The following LONP1 variants were observed in gnomAD, a reference collection of about 807,000 sequenced individuals.
LONP1 encodes lon protease homolog, mitochondrial.
A neutral mutation model predicts 98.5 loss-of-function variants in LONP1; 31 were observed. The observed-to-expected ratio is 0.31, with a 90% CI of 0.24 to 0.42. The LOEUF (loss-of-function observed/expected upper bound fraction) is 0.42. Among genes scored for constraint, LONP1 ranks in the 20% least tolerant of loss-of-function variants. LONP1 has a pLI of 1.00. For missense variants in LONP1, 1,336 were observed against 1,350.6 expected, an observed-to-expected ratio of 0.99 and a Z score of 0.17; for synonymous variants, 781 against 594.7, an observed-to-expected ratio of 1.31 and a Z score of -4.56.
At chr19:5,701,987 G>A (rs574253960) in intron 8 of LONP1, among the ~76,000 whole-genome samples, 154 of 150,432 alleles carry the variant, frequency 1.0e-3, no homozygotes, top group African/African-American at 3.7e-3. Flanking sequence ...GCAGCCCTGA[G>A]AAGTGAGGAG....
rs1314748331 is a variant in LONP1 at position 5,714,281 on chromosome 19, C to T, written c.430-10G>A. ...ACTTCTTATTTTTAACCTAGCATGA[C>T]AATGACCCCAAAGTGAAATGCAGAG... On this transcript the variant is annotated splice_polypyrimidine_tract_variant and intron_variant, in intron 1 of 17. Coordinates refer to ENST00000360614, the MANE Select transcript of LONP1 (RefSeq NM_004793.4). 6.3e-7 allele frequency: 1 copy of T among 1,594,282 alleles called. No homozygotes were observed.
Position 5,711,974 on chromosome 19 carries a change from C to T in LONP1, c.667G>A (p.Glu223Lys), listed in dbSNP as rs764530654. 5.0e-6 allele frequency: 8 copies of T among 1,613,018 alleles called. No homozygotes were observed. Among genetic ancestry groups the T allele is most frequent in the Non-Finnish European group, 6.8e-6 (8 of 1,179,944 alleles). ...TTCTCCGCCTCCGGCTCCTCGGGCT[C>T]CACCTCCAGCTGTCTGCTGATATGG... ...RVHISRQLEV[E>K]PEEPEAENKH... Residue 223 changes from glutamate (E) to lysine (K), a missense_variant, in exon 4 of 18, where the codon GAG becomes AAG. Around this residue, in one of 5 missense-constraint regions of LONP1, gnomAD observed 457 missense variants for 403.1 expected, o/e 1.13. Coordinates refer to ENST00000360614, the MANE Select transcript of LONP1 (RefSeq NM_004793.4).
chr19:5,715,098 T>G (rs1405928987), intron 1 of LONP1: 10 of 140,392 alleles, frequency 7.1e-5, no homozygotes, highest in African/African-American at 1.6e-4. Flanking sequence ...GCTGTGGTGG[T>G]GAATACAGTG....
intron 10 of LONP1, among the ~76,000 whole-genome samples, chr19:5,697,010 A>G (rs918807528): frequency 6.6e-6 from 1 of 152,146 alleles, no homozygotes; most frequent in African/African-American, 2.4e-5. Context: ...CCCATCCCTC[A>G]GCTGACACCA....
chr19:5,694,987 G>A, intron 13 of LONP1, 86 bp from the exon 14 acceptor site: 2 of 1,474,552 alleles, frequency 1.4e-6, no homozygotes, highest in East Asian at 2.3e-5. Context: ...CCTCTCCCAT[G>A]GCCCCCAGAC....
intron 17 of LONP1, 88 bp from the exon 18 acceptor site, chr19:5,692,296 G>T (rs1484078990): frequency 1.5e-6 from 2 of 1,328,210 alleles, no homozygotes; most frequent in Non-Finnish European, 2.1e-6. Flanking sequence ...GCTTCCTGGG[G>T]ACCGGCGATA....
Position 5,713,243 on chromosome 19 carries a change from C to G in LONP1, c.529G>C (p.Asp177His). 6.2e-7 allele frequency: 1 copy of G among 1,614,190 alleles called. No homozygotes were observed. The highest frequency in any genetic ancestry group is 8.5e-7 in the Non-Finnish European group (1 of 1,180,016). Residue 177 changes from aspartate to histidine, a missense_variant, in exon 3 of 18, where the codon GAT (aspartate) becomes CAT (histidine). This residue lies in a region of LONP1 where 457 missense variants were observed against 403.1 expected (regional missense o/e 1.13). Coordinates refer to ENST00000360614, the MANE Select transcript of LONP1 (RefSeq NM_004793.4). Reference sequence around the variant, plus strand: ...ATTTCATCCAGGCTCTCGACCACATCCGACTCATTGCTGTGGGAGAAGAGC... The same window carrying G: ...ATTTCATCCAGGCTCTCGACCACATGCGACTCATTGCTGTGGGAGAAGAGC... ...FLKRDDSNES[D>H]VVESLDEIYH... is the part of the protein sequence containing the mutation.
In LONP1 at chr19:5,696,676, G is replaced by T. The variant is rs11551018; in HGVS notation, c.1767C>A (p.Ile589=). The stretch of plus-strand genomic sequence containing the variant: ...CGGGCCTCTCCGCACGCACCTCGTC[G>T]ATGAGGATCAGGGGGTTCTCCGTCT... ...KTKTENPLIL[I]DEVDKIGRGY... The change falls in exon 11 of 18, where the codon ATC becomes ATA. Residue 589 remains isoleucine (I), a synonymous_variant. Transcript: ENST00000360614. 1 of 1,613,310 alleles carries T rather than the reference G, an allele frequency of 6.2e-7. No homozygotes were observed. The highest frequency in any genetic ancestry group is 2.2e-5 in the East Asian group (1 of 44,896).
Position 5,697,649 on chromosome 19 carries a change from TTGGGCTTTGACCGAGGAACG to T in LONP1, c.1686-912_1686-893del, listed in dbSNP as rs527346867. Reference sequence around the variant, plus strand: ...GGGTCCTGTGGGCTGCAGTGAGAACTTGGGCTTTGACCGAGGAACGTGGGAGCCCTGGAGAGCTGGGGGCA... The same window carrying T: ...GGGTCCTGTGGGCTGCAGTGAGAACTTGGGAGCCCTGGAGAGCTGGGGGCA... On this transcript the variant is annotated intron_variant, in intron 10 of 17. Coordinates refer to ENST00000360614, the MANE Select transcript of LONP1 (RefSeq NM_004793.4). 4.3e-3 allele frequency among the ~76,000 whole-genome samples: 649 copies of T among 151,330 alleles called. 22 individuals are homozygous for T. Among genetic ancestry groups the T allele is most frequent in the Admixed American group, 0.039 (590 of 15,158 alleles).
intron 3 of LONP1, 29 bp downstream of exon 3, chr19:5,713,105 C>G: frequency 2.5e-6 from 4 of 1,613,350 alleles, no homozygotes; most frequent in Non-Finnish European, 2.5e-6. Flanking sequence ...TCTGCCCCCA[C>G]CTCCCACTGT....
chr19:5,700,662 C>G, intron 9 of LONP1, 127 bp downstream of exon 9: 4 of 1,338,670 alleles, frequency 3.0e-6, no homozygotes, highest in Non-Finnish European at 4.1e-6. Flanking sequence ...CGGGATCCCC[C>G]CGACCAGCAC....
chr19:5,693,756 C>G lies in LONP1; in HGVS notation c.2334G>C (p.Leu778=). 1 of 1,613,674 alleles carries G rather than the reference C, an allele frequency of 6.2e-7. No individual in the cohort carries two copies. The highest frequency in any genetic ancestry group is 8.5e-7 in the Non-Finnish European group (1 of 1,179,910). ...GCCGTCTCAGGGATGTCTCCACAAA[C>G]AGCGTGGAGCCTCCTGAAACAGGTG... ...LAWTAMGGST[L]FVETSLRRPQ... The change falls in exon 16 of 18, where the codon CTG becomes CTC. Residue 778 remains leucine, a synonymous_variant. Transcript: ENST00000360614.
In LONP1 at chr19:5,705,795, C is replaced by T; in HGVS notation, c.1344G>A (p.Leu448=). 6.2e-7 allele frequency: 1 copy of T among 1,614,002 alleles called. No individual in the cohort carries two copies. Among genetic ancestry groups the T allele is most frequent in the Middle Eastern group, 1.6e-4 (1 of 6,062 alleles). ...ACTTGAACTCCGAGGAGTGGTTGTC[C>T]AGCAGGCCCAGCTTGCTCAGCTCCT... ...VDEELSKLGL[L]DNHSSEFNVT... The change falls in exon 8 of 18, where the codon CTG becomes CTA. Residue 448 remains leucine (L), a synonymous_variant. Transcript: ENST00000360614.
Position 5,720,109 on chromosome 19 carries a change from C to A in LONP1, c.24G>T (p.Val8=). The change falls in exon 1 of 18, where the codon GTG becomes GTT. Residue 8 remains valine (V), a synonymous_variant. Transcript: ENST00000360614. The stretch of plus-strand genomic sequence containing the variant: ...AGCACCGCGCCGCTCCCCACAGTCG[C>A]ACGTAGCCAGTGCTCGCCGCCATAG... MAASTGY[V]RLWGAARCWV... 6.9e-7 allele frequency: 1 copy of A among 1,452,616 alleles called. No individual in the cohort carries two copies. Among genetic ancestry groups the A allele is most frequent in the East Asian group, 2.7e-5 (1 of 36,618 alleles). 90.0% of individuals were successfully genotyped at this position (1,452,616 alleles called of 1,614,324 possible).
Position 5,702,173 on chromosome 19 carries a change from C to T in LONP1, c.1368-1246G>A, listed in dbSNP as rs559362386. Reference sequence around the variant, plus strand: ...ACTGGGAAGTGAGGAGCCCCTCTGCCCGGCCAGCCGCCCCCTCCGGGAGGG... The same window carrying T: ...ACTGGGAAGTGAGGAGCCCCTCTGCTCGGCCAGCCGCCCCCTCCGGGAGGG... On this transcript the variant is annotated intron_variant, in intron 8 of 17. Coordinates refer to ENST00000360614, the MANE Select transcript of LONP1 (RefSeq NM_004793.4). 1.8e-3 allele frequency among the ~76,000 whole-genome samples: 270 copies of T among 150,412 alleles called. 1 individual carries two copies. The highest frequency in any genetic ancestry group is 6.5e-3 in the African/African-American group (264 of 40,910).
At position 5,707,829 on chromosome 19, in the gene LONP1, G is replaced by T. The variant is rs755618818; in HGVS notation, c.933-3C>A. On this transcript the variant is annotated splice_polypyrimidine_tract_variant and splice_region_variant and intron_variant, in intron 5 of 17. Coordinates refer to ENST00000360614, the MANE Select transcript of LONP1 (RefSeq NM_004793.4). ...GCATCATCTGCAGCACTGACTCCCT[G>T]GGGGACAAAGGGAGCTGCCTCGGTG... 3 of 1,612,668 alleles carry T rather than the reference G, an allele frequency of 1.9e-6. No homozygotes were observed. The South Asian group carries it at 3.3e-5, about 18-fold the overall frequency.
intron 15 of LONP1, 31 bp downstream of exon 15, chr19:5,694,356 C>A (rs572317129): frequency 6.2e-7 from 1 of 1,607,442 alleles, no homozygotes; most frequent in South Asian, 1.1e-5. Flanking sequence ...ATGGGAATGG[C>A]TTTGGGGTCT....
rs1313548542 is a variant in LONP1, at chr19:5,692,103, C to G, written c.2809G>C (p.Glu937Gln). The stretch of plus-strand genomic sequence containing the variant: ...ATGTCGAAGATCTCCCGGTAGTGTT[C>G]CACGAAGTGCACCTCCAGGCCCTCG... ...ITEGLEVHFV[E>Q]HYREIFDIAF... Residue 937 changes from glutamate (E) to glutamine (Q), a missense_variant, in exon 18 of 18, where the codon GAA becomes CAA. Physicochemically the swap from Glu to Gln is conservative, Grantham distance 29. Transcript: ENST00000360614. 6.2e-7 allele frequency: 1 copy of G among 1,603,600 alleles called. No individual in the cohort carries two copies. The highest frequency in any genetic ancestry group is 8.5e-7 in the Non-Finnish European group (1 of 1,173,324).
intron 10 of LONP1, 144 bp from the exon 11 acceptor site, chr19:5,696,901 G>A (rs1568313641): frequency 3.3e-6 from 2 of 614,652 alleles, no homozygotes; most frequent in Non-Finnish European, 5.7e-6. Context: ...AATGCTGGCA[G>A]CCGCCGGATG....
Sources: gnomAD v4.1 joint callset for allele counts (sites outside exome capture counted in the v4.1 genomes callset) on GRCh38, gnomAD v4.1.1 for gene constraint, gnomAD v4.1.1 regional missense constraint, MANE v1.5 for transcripts, NCBI Gene and HGNC (gene_info 2026-07-23, HGNC 2026-07-21) for gene names.